USH2A: variants seen among roughly 807,000 people sequenced by gnomAD.
USH2A encodes Usher syndrome 2A (autosomal recessive, mild).
In USH2A, 443 loss-of-function variants were observed where a neutral mutation model predicts 538.9. That is an observed-to-expected ratio of 0.82 (90% confidence interval 0.76 to 0.89). USH2A has a LOEUF of 0.89. Ranked by LOEUF, USH2A falls within the 40% of genes least tolerant of loss-of-function variation. USH2A has a pLI of 0.00. For synonymous variants in USH2A, 2,413 were observed against 2,273.5 expected, an observed-to-expected ratio of 1.06 and a Z score of -1.75; for missense variants, 6,633 against 6,324.8, an observed-to-expected ratio of 1.05 and a Z score of -1.65.
intron 58 of USH2A, among the ~76,000 whole-genome samples, chr1:215,756,610 A>T (rs906048303): frequency 2.0e-5 from 3 of 152,302 alleles, no homozygotes; most frequent in Non-Finnish European, 2.9e-5. Context: ...ACAGCACAAT[A>T]AAAATGCCAA....
At chr1:216,290,302 G>C (rs2036977102) in intron 10 of USH2A, among the ~76,000 whole-genome samples, 1 of 152,000 alleles carries the variant, frequency 6.6e-6, no homozygotes, top group Admixed American at 6.6e-5. Context: ...ATTGGCTATT[G>C]AGCTAGTTAA....
intron 21 of USH2A, among the ~76,000 whole-genome samples, chr1:216,166,491 G>A (rs963239856): frequency 6.6e-6 from 1 of 152,092 alleles, no homozygotes; most frequent in Non-Finnish European, 1.5e-5. Flanking sequence ...AAAATAATTC[G>A]TTTGAAGAAC....
chr1:216,089,287 G>A (rs1223145306), intron 22 of USH2A, 148 bp from the exon 23 acceptor site: 2 of 860,878 alleles, frequency 2.3e-6, no homozygotes, highest in Non-Finnish European at 3.7e-6. Flanking sequence ...CAAAATTAAA[G>A]CTGATGTCTA....
chr1:216,413,820 T>C (rs1035651538), intron 3 of USH2A, among the ~76,000 whole-genome samples: 1 of 152,122 alleles, frequency 6.6e-6, no homozygotes, highest in African/African-American at 2.4e-5. Flanking sequence ...CAAATCGTAG[T>C]AATTGTTTTA....
intron 21 of USH2A, among the ~76,000 whole-genome samples, chr1:216,170,606 C>T (rs1400579550): frequency 6.6e-6 from 1 of 152,014 alleles, no homozygotes; most frequent in Non-Finnish European, 1.5e-5. Flanking sequence ...CTGGATACTA[C>T]AATAGTCAAA....
At position 215,878,865 on chromosome 1, in the gene USH2A, G is replaced by C; in HGVS notation, c.8457C>G (p.Thr2819=). 6.2e-7 allele frequency: 1 copy of C among 1,614,030 alleles called. No homozygotes were observed. Among genetic ancestry groups the C allele is most frequent in the South Asian group, 1.1e-5 (1 of 91,076 alleles). ...ACAATGGGCCAACATTCTGAGGTACGGTGGGGTGAGTGGTAACATAGGTAG... is the reference window on the plus strand; with the variant it reads ...ACAATGGGCCAACATTCTGAGGTACCGTGGGGTGAGTGGTAACATAGGTAG... ...SLPTYVTTHP[T]VPQNVGPLSV... Residue 2819 remains threonine (T), a synonymous_variant, in exon 42 of 72, where the codon ACC becomes ACG. Transcript: ENST00000307340.
At chr1:215,892,742 C>T (rs577634522) in intron 40 of USH2A, among the ~76,000 whole-genome samples, 5 of 151,980 alleles carry the variant, frequency 3.3e-5, no homozygotes, top group South Asian at 4.2e-4. Context: ...TGCAGTTTTG[C>T]AGAAAAATGA....
At position 216,308,283 on chromosome 1, in the gene USH2A, A is replaced by G. The variant is rs138155883; in HGVS notation, c.1644+13600T>C. The stretch of plus-strand genomic sequence containing the variant: ...AAAGTGTTCCACGTAGACATTTGCA[A>G]ATTGTTTTCCATAGTGCAGCAGCAC... On this transcript the variant is annotated intron_variant, in intron 9 of 71. Transcript: ENST00000307340. 2.9e-3 allele frequency among the ~76,000 whole-genome samples: 439 copies of G among 151,982 alleles called. 2 individuals carry two copies. The highest frequency in any genetic ancestry group is 9.8e-3 in the African/African-American group (404 of 41,258).
chr1:216,199,768 T>G lies in USH2A; in HGVS notation c.3670A>C (p.Thr1224Pro), dbSNP rs1422220293. The G allele has an allele frequency of 6.2e-7, 1 of 1,613,984 alleles. No individual in the cohort carries two copies. Among genetic ancestry groups the G allele is most frequent in the Non-Finnish European group, 8.5e-7 (1 of 1,180,006 alleles). The part of the protein sequence containing the change: ...AKYDFSVQAC[T>P]SGGCLHSLPI... ...AAGCTGTGTAAACAGCCCCCGCTAG[T>G]ACACGCCTGTACAGAAAAATCGTAC... Residue 1224 changes from threonine to proline, a missense_variant, in exon 17 of 72, where the codon ACT becomes CCT. Physicochemically the swap from Thr to Pro is conservative, Grantham distance 38. Transcript: ENST00000307340.
At chr1:216,377,874 A>G (rs541302128) in intron 3 of USH2A, among the ~76,000 whole-genome samples, 20 of 146,112 alleles carry the variant, frequency 1.4e-4, no homozygotes, top group South Asian at 4.5e-4. Flanking sequence ...AAAGAAGGAA[A>G]GAAAGAAAGG....
At chr1:216,325,946 C>T (rs779300212) in intron 5 of USH2A, among the ~76,000 whole-genome samples, 9 of 152,114 alleles carry the variant, frequency 5.9e-5, no homozygotes, top group Admixed American at 1.3e-4. Context: ...ACTTAGGATG[C>T]TAAACTAACT....
intron 15 of USH2A, among the ~76,000 whole-genome samples, chr1:216,209,155 C>T (rs541723596): frequency 1.3e-5 from 2 of 152,286 alleles, no homozygotes; most frequent in South Asian, 2.1e-4. Context: ...TCTCTGCACA[C>T]TATCTCTAGC....
At chr1:215,836,488 T>TA (rs1553267731) in intron 47 of USH2A, among the ~76,000 whole-genome samples, 15 of 20,810 alleles carry the variant, frequency 7.2e-4, no homozygotes, top group African/African-American at 1.7e-3. Context: ...ATAATATATA[T>TA]TATATATATA....
At chr1:215,875,639 A>G (rs892619892) in intron 43 of USH2A, among the ~76,000 whole-genome samples, 1 of 152,056 alleles carries the variant, frequency 6.6e-6, no homozygotes, top group Admixed American at 6.6e-5. Flanking sequence ...TTGTATAAAG[A>G]AACAAAATTA....
Position 216,089,065 on chromosome 1 carries a change from A to G in USH2A, c.4833T>C (p.Ile1611=), listed in dbSNP as rs2032221007. 2 of 1,613,564 alleles carry G rather than the reference A, an allele frequency of 1.2e-6. No homozygotes were observed. Among genetic ancestry groups the G allele is most frequent in the Middle Eastern group, 1.7e-4 (1 of 6,056 alleles). ...QYSDGKWHEI[I]AIRHQAFGQI... is the part of the protein sequence containing the mutation. The stretch of plus-strand genomic sequence containing the variant: ...GGCCAAAAGCCTGATGCCTAATAGC[A>G]ATTATTTCATGCCATTTTCCATCAC... Residue 1611 remains isoleucine, a synonymous_variant, in exon 23 of 72, where the codon ATT becomes ATC. Transcript: ENST00000307340.
chr1:216,388,394 T>C (rs2039043450), intron 3 of USH2A, among the ~76,000 whole-genome samples: 1 of 152,230 alleles, frequency 6.6e-6, no homozygotes, highest in African/African-American at 2.4e-5. Flanking sequence ...GTTTTGGTGA[T>C]GCTGCTTTTC....
At chr1:216,040,953 T>C (rs1393433983) in intron 32 of USH2A, among the ~76,000 whole-genome samples, 1 of 151,906 alleles carries the variant, frequency 6.6e-6, no homozygotes, top group African/African-American at 2.4e-5. Flanking sequence ...TTGATAAATA[T>C]TTATTTTTTG....
At chr1:215,970,517 T>A in intron 36 of USH2A, 108 bp downstream of exon 36, 1 of 1,401,898 alleles carries the variant, frequency 7.1e-7, no homozygotes, top group Non-Finnish European at 1.0e-6. Flanking sequence ...CCATCCTGCT[T>A]GAAAGGCTAG....
At chr1:216,402,618 T>G (rs1276921186) in intron 3 of USH2A, among the ~76,000 whole-genome samples, 1 of 152,176 alleles carries the variant, frequency 6.6e-6, no homozygotes, top group Non-Finnish European at 1.5e-5. Flanking sequence ...ATCTTAACAA[T>G]GTTTTCTTTC....
Sources: allele counts gnomAD v4.1 joint callset (sites outside exome capture counted in the v4.1 genomes callset), GRCh38; gene constraint gnomAD v4.1.1; transcripts MANE v1.5; gene names NCBI Gene and HGNC (gene_info 2026-07-23, HGNC 2026-07-21).